Variants in PCDH11X observed in about 807,000 individuals in gnomAD.
PCDH11X encodes the protein protocadherin 11 X-linked, also known as protocadherin-11 X-linked.
PCDH11X carries 18 observed loss-of-function variants against 53.3 expected under a neutral mutation model. The ratio of observed to expected loss-of-function variants is 0.34; its 90% CI spans 0.23 to 0.50. The LOEUF is 0.50. Among genes scored for constraint, PCDH11X ranks in the 20% least tolerant of loss-of-function variants. The pLI is 0.98. For synonymous variants in PCDH11X, 279 were observed against 393.3 expected (o/e 0.71, Z 3.44); for missense variants, 570 against 1,032.4 (o/e 0.55, Z 6.14).
intron 6 of PCDH11X, among the ~76,000 whole-genome samples, chrX:92,080,819 A>C (rs2148099713): frequency 9.0e-6 from 1 of 111,422 alleles, no homozygotes; most frequent in African/African-American, 3.3e-5. Flanking sequence ...TGACAAGGCA[A>C]AGCGGCTTTG....
chrX:92,327,714 T>C (rs951001741), intron 8 of PCDH11X, among the ~76,000 whole-genome samples: 2 of 108,516 alleles, frequency 1.8e-5, no homozygotes, highest in Admixed American at 2.0e-4. Context: ...CATGGATATA[T>C]CAGCAAAAGC....
At chrX:92,517,028 G>T (rs1478059449) in intron 10 of PCDH11X, among the ~76,000 whole-genome samples, 1 of 112,124 alleles carries the variant, frequency 8.9e-6, no homozygotes, top group East Asian at 2.8e-4. Context: ...CGTAAGCCTG[G>T]ATTGATTTAT....
intron 6 of PCDH11X, among the ~76,000 whole-genome samples, chrX:92,063,718 G>C (rs1439832898): frequency 1.8e-5 from 2 of 111,727 alleles, no homozygotes; most frequent in East Asian, 5.6e-4. Context: ...TCCTTTGGAT[G>C]AGAATTTACT....
At chrX:92,421,945 GA>G (rs1234019271) in intron 9 of PCDH11X, among the ~76,000 whole-genome samples, 3 of 109,562 alleles carry the variant, frequency 2.7e-5, no homozygotes, top group African/African-American at 9.9e-5. Flanking sequence ...ATTCCTTATA[GA>G]TTCTGGATAT....
At chrX:92,322,750 G>A (rs1475498552) in intron 8 of PCDH11X, among the ~76,000 whole-genome samples, 1 of 111,596 alleles carries the variant, frequency 9.0e-6, no homozygotes, top group Non-Finnish European at 1.9e-5. Flanking sequence ...GGGGAATATT[G>A]TCATTCTAAG....
chrX:91,999,139 T>G (rs2147957761), intron 6 of PCDH11X, among the ~76,000 whole-genome samples: 1 of 110,334 alleles, frequency 9.1e-6, no homozygotes, highest in African/African-American at 3.3e-5. Flanking sequence ...GGTCTCAAAC[T>G]TCTGGGCTCA....
intron 6 of PCDH11X, among the ~76,000 whole-genome samples, chrX:92,129,313 C>T (rs764660439): frequency 9.0e-6 from 1 of 110,707 alleles, no homozygotes; most frequent in South Asian, 3.8e-4. Context: ...ATTGCTTGAA[C>T]CTGGGAGGCA....
chrX:91,878,517 T>C lies in PCDH11X; in HGVS notation c.2277T>C (p.Pro759=). 1 of 1,211,216 alleles carries C rather than the reference T, an allele frequency of 8.3e-7. No individual in the cohort carries two copies. The highest frequency in any genetic ancestry group is 1.1e-6 in the Non-Finnish European group (1 of 895,353). The change falls in exon 6 of 11, where the codon CCT becomes CCC. Residue 759 remains proline (P), a synonymous_variant. Transcript: ENST00000682573. ...TCAAAGCTAATGACTTAGGACAGCCTGATTCTCTCTTCAGTGTTGTAATTG... is the reference window on the plus strand; with the variant it reads ...TCAAAGCTAATGACTTAGGACAGCCCGATTCTCTCTTCAGTGTTGTAATTG... ...VLVKANDLGQ[P]DSLFSVVIVN...
chrX:91,992,896 A>C (rs1318513914), intron 6 of PCDH11X, among the ~76,000 whole-genome samples: 2 of 112,073 alleles, frequency 1.8e-5, no homozygotes, highest in African/African-American at 6.5e-5. Flanking sequence ...TGCTTTAACT[A>C]TCAGATATTG....
chrX:92,379,733 C>T (rs1253816318), intron 8 of PCDH11X, among the ~76,000 whole-genome samples: 2 of 109,941 alleles, frequency 1.8e-5, no homozygotes, highest in East Asian at 2.9e-4. Flanking sequence ...GACTTTCTCC[C>T]GTCTCAAGCC....
intron 10 of PCDH11X, among the ~76,000 whole-genome samples, chrX:92,568,531 A>G (rs1402365552): frequency 1.8e-5 from 2 of 109,524 alleles, no homozygotes; most frequent in East Asian, 5.6e-4. Context: ...CACGCACAAT[A>G]AAAGAAATAT....
chrX:91,988,495 C>T (rs1230244368), intron 6 of PCDH11X, among the ~76,000 whole-genome samples: 1 of 111,896 alleles, frequency 8.9e-6, no homozygotes, highest in East Asian at 2.8e-4. Flanking sequence ...TAACCATAAA[C>T]TAATTATAGC....
At chrX:92,551,024 T>C (rs2074944835) in intron 10 of PCDH11X, among the ~76,000 whole-genome samples, 1 of 111,560 alleles carries the variant, frequency 9.0e-6, no homozygotes, top group African/African-American at 3.3e-5. Flanking sequence ...TCTTAGCTAC[T>C]GTGAACAGTG....
chrX:92,146,770 G>A (rs1432015030), intron 6 of PCDH11X, among the ~76,000 whole-genome samples: 1 of 110,939 alleles, frequency 9.0e-6, no homozygotes, highest in Non-Finnish European at 1.9e-5. Flanking sequence ...AGGCTGAGGT[G>A]GGCAGATCAC....
chrX:92,318,368 CA>C (rs1247337866), intron 8 of PCDH11X, among the ~76,000 whole-genome samples: 1 of 111,659 alleles, frequency 9.0e-6, no homozygotes, highest in Admixed American at 9.5e-5. Context: ...TACAATCCAG[CA>C]ATCAAAACTC....
intron 6 of PCDH11X, among the ~76,000 whole-genome samples, chrX:92,087,685 A>G (rs760815710): frequency 1.8e-5 from 2 of 110,300 alleles, no homozygotes; most frequent in South Asian, 7.7e-4. Context: ...TACATAATTC[A>G]TATCTAATCA....
rs751170073 is a variant in PCDH11X at position 92,613,539 on chromosome X, TTGTTGTTGTG to T, written c.3368-4721_3368-4712del. Among the ~76,000 whole-genome samples the T allele has an allele frequency of 2.7e-4, 23 of 85,966 alleles. No homozygotes were observed. The East Asian group carries it at 3.0e-3, about 11-fold the overall frequency. The allele number at this position is 85,966 out of a possible 115,157, so 74.7% of individuals were successfully genotyped here. On this transcript the variant is annotated intron_variant, in intron 10 of 10. Coordinates refer to ENST00000682573, the MANE Select transcript of PCDH11X (RefSeq NM_032968.5). ...TTGCCTTTAAGTTTTTTTGTTGTTG[TTGTTGTTGTG>T]TGTGTGTGTGTGTGTGTGTGTGTGT...
intron 4 of PCDH11X, among the ~76,000 whole-genome samples, chrX:91,824,732 T>C (rs2147595128): frequency 9.2e-6 from 1 of 108,756 alleles, no homozygotes; most frequent in East Asian, 2.8e-4. Flanking sequence ...CTGTGTTCTT[T>C]TGGAGGAGGA....
chrX:91,877,958 A>G lies in PCDH11X; in HGVS notation c.1718A>G (p.Asn573Ser), dbSNP rs1424523365. The G allele has an allele frequency of 1.7e-6, 2 of 1,210,039 alleles. No individual in the cohort carries two copies. Among genetic ancestry groups the G allele is most frequent in the African/African-American group, 1.7e-5 (1 of 57,169 alleles). Reference protein sequence around the residue: ...QNDNSPVFTHNEYNFYVPENL... With the variant: ...QNDNSPVFTHSEYNFYVPENL... Reference sequence around the variant, plus strand: ...GACAATAGCCCAGTTTTCACTCACAATGAATACAACTTCTATGTCCCAGAA... The same window carrying G: ...GACAATAGCCCAGTTTTCACTCACAGTGAATACAACTTCTATGTCCCAGAA... The change falls in exon 6 of 11, where the codon AAT becomes AGT. Residue 573 changes from asparagine to serine, a missense_variant. By Grantham distance (46) the Asn-to-Ser change is conservative. This residue lies in a region of PCDH11X where 226 missense variants were observed against 457.5 expected (regional missense o/e 0.49). Transcript: ENST00000682573.
Sources: allele counts gnomAD v4.1 joint callset (sites outside exome capture counted in the v4.1 genomes callset), GRCh38; gene constraint gnomAD v4.1.1; regional missense constraint gnomAD v4.1.1; transcripts MANE v1.5; gene names NCBI Gene and HGNC (gene_info 2026-07-23, HGNC 2026-07-21).